DIP2A: variants seen among roughly 807,000 people sequenced by gnomAD.
DIP2A encodes the protein DIP2 acetate--CoA ligase A.
A neutral mutation model predicts 177.4 loss-of-function variants in DIP2A; 85 were observed. The observed-to-expected ratio is 0.48, with a 90% CI of 0.40 to 0.57. DIP2A has a LOEUF of 0.57. Among genes scored for constraint, DIP2A ranks in the 20% least tolerant of loss-of-function variants. DIP2A has a pLI of 0.00. For missense variants in DIP2A, 1,791 were observed against 2,100.2 expected (o/e 0.85, Z 2.88); for synonymous variants, 886 against 881.8 (o/e 1.00, Z -0.08).
intron 17 of DIP2A, 131 bp from the exon 18 acceptor site, chr21:46,541,625 A>C (rs1377204559): frequency 1.3e-5 from 13 of 1,033,494 alleles, no homozygotes; most frequent in Non-Finnish European, 1.7e-5. Context: ...TCTTTAGAAC[A>C]TGCGTTTCTC....
At chr21:46,560,028 TA>T (rs1467694788) in intron 32 of DIP2A, among the ~76,000 whole-genome samples, 1 of 150,878 alleles carries the variant, frequency 6.6e-6, no homozygotes. Context: ...TAACCAAATT[TA>T]AAAGTAAAAC....
chr21:46,578,313 AAAAC>A, the DIP2A span, among the ~76,000 whole-genome samples: 51 of 151,952 alleles, frequency 3.4e-4, no homozygotes, highest in Admixed American at 7.9e-4. Flanking sequence ...TCCGTCTCAA[AAAAC>A]AAACAAACAA....
intron 3 of DIP2A, 54 bp downstream of exon 3, chr21:46,490,773 C>A: frequency 6.7e-7 from 1 of 1,491,330 alleles, no homozygotes; most frequent in East Asian, 2.5e-5. Context: ...AGCCCTTGGA[C>A]TCTTGCCATG....
rs571060419 is a variant in DIP2A, at chr21:46,480,071, T to G, written c.92-4686T>G. Among the ~76,000 whole-genome samples the G allele has an allele frequency of 8.2e-3, 1,183 of 144,472 alleles. 5 individuals are homozygous for G. The highest frequency in any genetic ancestry group is 0.023 in the South Asian group (107 of 4,588). The allele number at this position is 144,472 out of a possible 152,430, so 94.8% of individuals were successfully genotyped here. ...AGACTGCCTGTATTTTTTTTTTTTTTTGTGTGGCATCTGTTTTCAAGTTTT... is the reference window on the plus strand; with the variant it reads ...AGACTGCCTGTATTTTTTTTTTTTTGTGTGTGGCATCTGTTTTCAAGTTTT... On this transcript the variant is annotated intron_variant, in intron 1 of 37. Transcript: ENST00000417564.
chr21:46,516,177 G>A (rs537878626), intron 8 of DIP2A, among the ~76,000 whole-genome samples: 4 of 152,126 alleles, frequency 2.6e-5, no homozygotes, highest in African/African-American at 9.6e-5. Context: ...ACATTTAGAG[G>A]TGATGTTCTT....
the DIP2A span, among the ~76,000 whole-genome samples, chr21:46,578,167 C>T: frequency 6.6e-6 from 1 of 152,100 alleles, no homozygotes; most frequent in Non-Finnish European, 1.5e-5. Flanking sequence ...CAAAAATTAG[C>T]CAGGCGTGGT....
intron 9 of DIP2A, among the ~76,000 whole-genome samples, chr21:46,531,265 G>A (rs981166566): frequency 6.6e-6 from 1 of 152,212 alleles, no homozygotes; most frequent in East Asian, 1.9e-4. Flanking sequence ...GGACACTCAC[G>A]GCTCTCCTGA....
chr21:46,516,683 C>T (rs2058597167), intron 8 of DIP2A, among the ~76,000 whole-genome samples: 1 of 151,546 alleles, frequency 6.6e-6, no homozygotes. Context: ...TTAGTAGAGA[C>T]AGGGTTTCAC....
chr21:46,565,717 G>C lies in DIP2A; in HGVS notation c.4169G>C (p.Trp1390Ser). The C allele has an allele frequency of 6.2e-7, 1 of 1,613,448 alleles. No individual in the cohort carries two copies. The highest frequency in any genetic ancestry group is 8.5e-7 in the Non-Finnish European group (1 of 1,179,604). ...PLGDSHLGEI[W>S]VSSPHNATGY... ...CTTGTCCTCTGGGCCCACCAGATCT[G>C]GGTAAGCAGCCCCCACAATGCCACC... is the stretch of plus-strand genomic sequence containing the variant. Residue 1390 changes from tryptophan (W) to serine (S), a missense_variant, in exon 36 of 38, where the codon TGG (tryptophan) becomes TCG (serine). Physicochemically the swap from Trp to Ser is radical, Grantham distance 177. Transcript: ENST00000417564.
chr21:46,538,601 G>C lies in DIP2A; in HGVS notation c.1920G>C (p.Pro640=), dbSNP rs1204461997. The change falls in exon 16 of 38, where the codon CCG becomes CCC. Residue 640 remains proline (P), a splice_region_variant and synonymous_variant. Coordinates refer to ENST00000417564, the MANE Select transcript of DIP2A (RefSeq NM_015151.4). ...RMLIVADGAN[P]WSISSCDAFL... ...TGATTGTGGCCGATGGTGCCAACCCGTGTGAGTGAGCCTGTGTGCCCGGCG... is the reference window on the plus strand; with the variant it reads ...TGATTGTGGCCGATGGTGCCAACCCCTGTGAGTGAGCCTGTGTGCCCGGCG... 4.5e-6 allele frequency: 7 copies of C among 1,550,466 alleles called. No individual in the cohort carries two copies. The highest frequency in any genetic ancestry group is 1.2e-5 in the South Asian group (1 of 84,136).
intron 1 of DIP2A, among the ~76,000 whole-genome samples, chr21:46,472,856 C>T (rs2055512140): frequency 1.3e-5 from 2 of 152,126 alleles, no homozygotes; most frequent in Admixed American, 1.3e-4. Flanking sequence ...GGTGCTGGTA[C>T]CTGTTGCCTC....
At position 46,498,739 on chromosome 21, in the gene DIP2A, G is replaced by A. The variant is rs763189134; in HGVS notation, c.561G>A (p.Pro187=). 85 of 1,613,672 alleles carry A rather than the reference G, an allele frequency of 5.3e-5. No individual in the cohort carries two copies. The highest frequency in any genetic ancestry group is 6.7e-5 in the East Asian group (3 of 44,882). The change falls in exon 5 of 38, where the codon CCG becomes CCA. Residue 187 remains proline, a synonymous_variant. Transcript: ENST00000417564. The surrounding 1 kb of genome is among the most constrained non-coding windows in gnomAD (Gnocchi z 4.3). ...CTGCATCCTCCACCTCATCTCACCC[G>A]GGAGGGAGACCCACCACTGCTCCCA... ...SSSASSTSSH[P]GGRPTTAPSA...
intron 22 of DIP2A, 187 bp downstream of exon 22, chr21:46,550,072 A>G (rs1453406677): frequency 7.3e-7 from 1 of 1,375,330 alleles, no homozygotes; most frequent in African/African-American, 1.5e-5. Flanking sequence ...AAGTGATGTT[A>G]TAATTTATGA....
In DIP2A at chr21:46,537,792, C is replaced by A. The variant is rs978717068; in HGVS notation, c.1801+253C>A. On this transcript the variant is annotated intron_variant, in intron 15 of 37. Coordinates refer to ENST00000417564, the MANE Select transcript of DIP2A (RefSeq NM_015151.4). The surrounding 1 kb of genome is among the most constrained non-coding windows in gnomAD (Gnocchi z 4.1). ...GGTGGGGTCTGGGCCTTACTTCTCT[C>A]AACGGTTGAGGTGCCTCCTGGGACC... 6.6e-6 allele frequency among the ~76,000 whole-genome samples: 1 copy of A among 152,108 alleles called. No individual in the cohort carries two copies. Among genetic ancestry groups the A allele is most frequent in the African/African-American group, 2.4e-5 (1 of 41,420 alleles).
the DIP2A span, among the ~76,000 whole-genome samples, chr21:46,575,704 TATAAAA>T: frequency 1.3e-5 from 2 of 152,146 alleles, no homozygotes; most frequent in African/African-American, 4.8e-5. Flanking sequence ...ATGAAAGACT[TATAAAA>T]TGAAAAGTAC....
chr21:46,541,062 A>T (rs1447853645), intron 17 of DIP2A, among the ~76,000 whole-genome samples: 2 of 151,870 alleles, frequency 1.3e-5, no homozygotes, highest in Non-Finnish European at 2.9e-5. Context: ...ACTTAACATT[A>T]AAAAAACGCT....
At chr21:46,576,489 G>A in the DIP2A span, among the ~76,000 whole-genome samples, 1 of 152,152 alleles carries the variant, frequency 6.6e-6, no homozygotes, top group African/African-American at 2.4e-5. Context: ...ATTCCATGGT[G>A]TAAATGTACC....
Position 46,568,387 on chromosome 21 carries a change from G to T in DIP2A, c.*765G>T, listed in dbSNP as rs1438464416. The T allele has an allele frequency of 6.6e-6, 1 of 152,230 alleles. No homozygotes were observed. Among genetic ancestry groups the T allele is most frequent in the Non-Finnish European group, 1.5e-5 (1 of 68,116 alleles). 9.4% of individuals were successfully genotyped at this position (152,230 alleles called of 1,614,324 possible). A position where few individuals can be genotyped will look rare whatever the true frequency, so the allele number is the denominator to read the frequency against. ...TACAAAAAATTAGCCGGGTGTGGTGGTGGGCGCCTGTAGTCCCAGCTACTT... is the reference window on the plus strand; with the variant it reads ...TACAAAAAATTAGCCGGGTGTGGTGTTGGGCGCCTGTAGTCCCAGCTACTT... On this transcript the variant is annotated 3_prime_UTR_variant, in exon 38 of 38. Transcript: ENST00000417564.
intron 9 of DIP2A, among the ~76,000 whole-genome samples, 197 bp downstream of exon 9, chr21:46,529,380 G>A (rs1166615796): frequency 6.6e-6 from 1 of 152,114 alleles, no homozygotes; most frequent in African/African-American, 2.4e-5. Context: ...TGAGCGGATT[G>A]CCTGAGCTCA....
Sources: allele counts gnomAD v4.1 joint callset (sites outside exome capture counted in the v4.1 genomes callset), GRCh38; gene constraint gnomAD v4.1.1; non-coding constraint Gnocchi (gnomAD v3.1); transcripts MANE v1.5; gene names NCBI Gene and HGNC (gene_info 2026-07-23, HGNC 2026-07-21).